TRIM23: variants seen among roughly 807,000 people sequenced by gnomAD.
The protein encoded by TRIM23 is tripartite motif containing 23.
Under a neutral mutation model 71.0 loss-of-function variants are expected in TRIM23, and 27 were observed. The ratio of observed to expected loss-of-function variants is 0.38; its 90% CI spans 0.28 to 0.52. The LOEUF (loss-of-function observed/expected upper bound fraction) is 0.52. Ranked by LOEUF, TRIM23 falls within the 20% of genes least tolerant of loss-of-function variation. TRIM23 has a pLI of 0.84. For synonymous variants in TRIM23, 234 were observed against 238.0 expected (o/e 0.98, Z 0.16); for missense variants, 482 against 692.3 (o/e 0.70, Z 3.41).
At chr5:65,613,995 A>T in intron 3 of TRIM23, 103 bp downstream of exon 3, 1 of 1,554,554 alleles carries the variant, frequency 6.4e-7, no homozygotes, top group Middle Eastern at 1.7e-4. Context: ...GTTTCTAGAA[A>T]TTTACCTGCT....
intron 6 of TRIM23, among the ~76,000 whole-genome samples, chr5:65,609,013 G>A (rs551285718): frequency 6.6e-6 from 1 of 152,150 alleles, no homozygotes; most frequent in East Asian, 1.9e-4. Flanking sequence ...CTGAAGAATG[G>A]CAAGAAGTTA....
At chr5:65,592,399 G>A (rs1754065272) in intron 10 of TRIM23, among the ~76,000 whole-genome samples, 1 of 151,912 alleles carries the variant, frequency 6.6e-6, no homozygotes, top group Admixed American at 6.6e-5. Flanking sequence ...TAATTTTTTT[G>A]TATTTTTAGT....
intron 9 of TRIM23, among the ~76,000 whole-genome samples, chr5:65,595,715 G>A (rs1222917310): frequency 7.3e-6 from 1 of 136,272 alleles, no homozygotes; most frequent in Non-Finnish European, 1.6e-5. Context: ...AACAAAGCAA[G>A]ATTCTGTCTC....
In TRIM23 at chr5:65,624,320, T is replaced by G. The variant is rs1163234753; in HGVS notation, c.-46A>C. 1 of 1,603,018 alleles carries G rather than the reference T, an allele frequency of 6.2e-7. No individual in the cohort carries two copies. The highest frequency in any genetic ancestry group is 8.5e-7 in the Non-Finnish European group (1 of 1,175,352). ...AGAAACAGCCTTCAGAGTCCTCAAC[T>G]GAGAGGCGGGGTTGAGCCACCTACC... is the stretch of plus-strand genomic sequence containing the variant. On this transcript the variant is annotated 5_prime_UTR_variant, in exon 1 of 11. Transcript: ENST00000231524.
rs1255030133 is a variant in TRIM23, at chr5:65,594,512, A to G, written c.1545+9T>C. 1 of 1,595,912 alleles carries G rather than the reference A, an allele frequency of 6.3e-7. No individual in the cohort carries two copies. On this transcript the variant is annotated intron_variant, in intron 10 of 10. Transcript: ENST00000231524. ...CTAAAATAAATATTCCAATATAAAA[A>G]TGCATTACCTGTTTGTTAGCAAAAA...
rs1258262205 is a variant in TRIM23 at position 65,609,437 on chromosome 5, C to T, written c.850G>A (p.Ala284Thr). ...AAATAAGCTCGAATACATGACCGGG[C>T]ATTCTCTGCAGTCCCTGGTACCTAA... ...TEHVPGTAEN[A>T]RSCIRAYFYD... Residue 284 changes from alanine (A) to threonine (T), a missense_variant, in exon 6 of 11, where the codon GCC (alanine) becomes ACC (threonine). Physicochemically the swap from Ala to Thr is moderately conservative, Grantham distance 58 (BLOSUM62 0). Transcript: ENST00000231524. 3.1e-6 allele frequency: 5 copies of T among 1,613,924 alleles called. No homozygotes were observed. Among genetic ancestry groups the T allele is most frequent in the Non-Finnish European group, 4.2e-6 (5 of 1,179,984 alleles).
At chr5:65,612,811 T>A (rs567709237) in intron 3 of TRIM23, among the ~76,000 whole-genome samples, 118 of 152,264 alleles carry the variant, frequency 7.7e-4, no homozygotes, top group African/African-American at 2.7e-3. Context: ...AGAGTGAGAC[T>A]CTGTCTTAAA....
At chr5:65,620,047 C>T (rs765859409) in intron 1 of TRIM23, among the ~76,000 whole-genome samples, 5 of 151,936 alleles carry the variant, frequency 3.3e-5, no homozygotes, top group South Asian at 2.1e-4. Flanking sequence ...ATCACGCCAC[C>T]GCACTCCAGC....
At chr5:65,614,659 C>G (rs141297000) in intron 2 of TRIM23, among the ~76,000 whole-genome samples, 1 of 150,436 alleles carries the variant, frequency 6.6e-6, no homozygotes, top group Non-Finnish European at 1.5e-5. Context: ...TGCTTGAACC[C>G]GGGAGGTGGA....
intron 10 of TRIM23, among the ~76,000 whole-genome samples, chr5:65,593,040 A>G (rs890281535): frequency 1.3e-5 from 2 of 150,994 alleles, no homozygotes; most frequent in Admixed American, 6.6e-5. Context: ...TAACCTTTGG[A>G]TATCTGTCTA....
chr5:65,610,926 C>T lies in TRIM23; in HGVS notation c.763G>A (p.Val255Met). Residue 255 changes from valine to methionine, a missense_variant, in exon 5 of 11, where the codon GTG (valine) becomes ATG (methionine). Around this residue, in one of 2 missense-constraint regions of TRIM23, gnomAD observed 307 missense variants for 495.8 expected, o/e 0.62. Coordinates refer to ENST00000231524, the MANE Select transcript of TRIM23 (RefSeq NM_001656.4). The stretch of plus-strand genomic sequence containing the variant: ...TGTTCTCCTCCTTCAATGTGCTGCA[C>T]AATTCCAACTAATTTTCTGGAATAA... ...SDYSRKLVGI[V>M]QHIEGGEQIV... The T allele has an allele frequency of 6.2e-7, 1 of 1,613,820 alleles. No homozygotes were observed. Among genetic ancestry groups the T allele is most frequent in the East Asian group, 2.2e-5 (1 of 44,840 alleles).
intron 10 of TRIM23, among the ~76,000 whole-genome samples, chr5:65,593,110 C>T (rs576530357): frequency 2.0e-5 from 3 of 151,958 alleles, no homozygotes; most frequent in Non-Finnish European, 4.4e-5. Context: ...GCCAAATTGT[C>T]CTCCAAGAAA....
At position 65,594,777 on chromosome 5, in the gene TRIM23, T is replaced by G. The variant is rs1280322146; in HGVS notation, c.1421-132A>C. On this transcript the variant is annotated intron_variant, in intron 9 of 10. Coordinates refer to ENST00000231524, the MANE Select transcript of TRIM23 (RefSeq NM_001656.4). ...ACCATCATTATTTTCACACAGAGGGTGCCTAGTATGGCAGGGGCACCTACA... is the reference window on the plus strand; with the variant it reads ...ACCATCATTATTTTCACACAGAGGGGGCCTAGTATGGCAGGGGCACCTACA... 7.5e-6 allele frequency: 6 copies of G among 802,030 alleles called. No homozygotes were observed. In the Admixed American group the frequency reaches 1.9e-4, roughly 25 times the overall value. The allele number at this position is 802,030 out of a possible 1,614,324, so 49.7% of individuals were successfully genotyped here.
At position 65,590,302 on chromosome 5, in the gene TRIM23, C is replaced by T; in HGVS notation, c.*1467G>A. ...ACACCTGTAACAGCATGACCTTTTA[C>T]CTGAAAAATAAAGGATGAAATATTA... On this transcript the variant is annotated 3_prime_UTR_variant, in exon 11 of 11. Coordinates refer to ENST00000231524, the MANE Select transcript of TRIM23 (RefSeq NM_001656.4). The T allele has an allele frequency of 7.1e-7, 1 of 1,408,132 alleles. No homozygotes were observed. Among genetic ancestry groups the T allele is most frequent in the Non-Finnish European group, 9.8e-7 (1 of 1,015,424 alleles). The allele number at this position is 1,408,132 out of a possible 1,614,324, so 87.2% of individuals were successfully genotyped here.
intron 1 of TRIM23, among the ~76,000 whole-genome samples, chr5:65,622,759 A>C (rs1754978636): frequency 6.6e-6 from 1 of 152,222 alleles, no homozygotes; most frequent in Non-Finnish European, 1.5e-5. Flanking sequence ...GATGAAAATG[A>C]ACAAGGTGAG....
At chr5:65,622,866 T>C (rs1754982476) in intron 1 of TRIM23, among the ~76,000 whole-genome samples, 2 of 152,196 alleles carry the variant, frequency 1.3e-5, no homozygotes, top group African/African-American at 4.8e-5. Flanking sequence ...AACAAAAAAA[T>C]AGATACTGCA....
At position 65,594,770 on chromosome 5, in the gene TRIM23, C is replaced by G. The variant is rs1232701621; in HGVS notation, c.1421-125G>C. ...TTTGTCTACCATCATTATTTTCACA[C>G]AGAGGGTGCCTAGTATGGCAGGGGC... is the stretch of plus-strand genomic sequence containing the variant. On this transcript the variant is annotated intron_variant, in intron 9 of 10. Transcript: ENST00000231524. 3.4e-6 allele frequency: 3 copies of G among 889,724 alleles called. No homozygotes were observed. In the East Asian group the frequency reaches 9.1e-5, roughly 27 times the overall value. 55.1% of individuals were successfully genotyped at this position (889,724 alleles called of 1,614,324 possible). A position where few individuals can be genotyped will look rare whatever the true frequency, so the allele number is the denominator to read the frequency against.
intron 2 of TRIM23, 44 bp from the exon 3 acceptor site, chr5:65,614,263 CTAT>C: frequency 6.4e-7 from 1 of 1,563,282 alleles, no homozygotes; most frequent in Non-Finnish European, 8.8e-7. Flanking sequence ...ACAAAATGGA[CTAT>C]TAATCATTTT....
intron 6 of TRIM23, among the ~76,000 whole-genome samples, chr5:65,607,909 T>C (rs1489059259): frequency 1.3e-5 from 2 of 152,186 alleles, no homozygotes; most frequent in Non-Finnish European, 2.9e-5. Context: ...GCATCAAAGA[T>C]GAACAAGGTC....
Sources: allele counts gnomAD v4.1 joint callset (sites outside exome capture counted in the v4.1 genomes callset), GRCh38; gene constraint gnomAD v4.1.1; regional missense constraint gnomAD v4.1.1; transcripts MANE v1.5; gene names NCBI Gene and HGNC (gene_info 2026-07-23, HGNC 2026-07-21).